The following TTLL7 variants were observed in gnomAD, a reference collection of about 807,000 sequenced individuals.
TTLL7 encodes the protein tubulin tyrosine ligase like 7.
In TTLL7, 53 loss-of-function variants were observed where a neutral mutation model predicts 120.2. The ratio of observed to expected loss-of-function variants is 0.44; its 90% CI spans 0.35 to 0.55. The LOEUF (loss-of-function observed/expected upper bound fraction) is 0.55, where lower values mean the gene tolerates loss of function less well. Ranked by LOEUF, TTLL7 falls within the 20% of genes least tolerant of loss-of-function variation. The pLI is 0.00. For missense variants in TTLL7, 803 were observed against 1,054.7 expected, an observed-to-expected ratio of 0.76 and a Z score of 3.31; for synonymous variants, 353 against 351.7, an observed-to-expected ratio of 1.00 and a Z score of -0.04.
chr1:83,885,124 TA>T (rs1303251329), intron 19 of TTLL7: 1 of 272,202 alleles, frequency 3.7e-6, no homozygotes, highest in Non-Finnish European at 5.6e-6. Flanking sequence ...AATATGTTTA[TA>T]ATTAGTATAC....
chr1:83,893,739 T>A (rs1655984148), intron 18 of TTLL7, among the ~76,000 whole-genome samples: 1 of 152,138 alleles, frequency 6.6e-6, no homozygotes, highest in Non-Finnish European at 1.5e-5. Flanking sequence ...CTACAGCTTC[T>A]CACAGGGAAC....
At chr1:83,953,790 C>T (rs1345834008) in intron 1 of TTLL7, among the ~76,000 whole-genome samples, 1 of 152,108 alleles carries the variant, frequency 6.6e-6, no homozygotes, top group African/African-American at 2.4e-5. Flanking sequence ...ATTCATTAAG[C>T]TCCCCTATTT....
chr1:83,967,916 T>C (rs1477872543), intron 1 of TTLL7, among the ~76,000 whole-genome samples: 1 of 151,368 alleles, frequency 6.6e-6, no homozygotes, highest in African/African-American at 2.4e-5. Flanking sequence ...CTCTTGAAAA[T>C]GACGAAAGGC....
chr1:83,978,911 A>C (rs1463034582), intron 1 of TTLL7, among the ~76,000 whole-genome samples: 1 of 152,222 alleles, frequency 6.6e-6, no homozygotes, highest in Admixed American at 6.5e-5. Context: ...TAATTTATTC[A>C]TTAATTCAAC....
At chr1:83,950,995 C>G (rs1648987006) in intron 3 of TTLL7, among the ~76,000 whole-genome samples, 1 of 152,126 alleles carries the variant, frequency 6.6e-6, no homozygotes, top group Non-Finnish European at 1.5e-5. Flanking sequence ...CTGCCTGCAG[C>G]ATCTCAAAGA....
intron 20 of TTLL7, among the ~76,000 whole-genome samples, chr1:83,870,928 G>T (rs987687313): frequency 1.2e-4 from 18 of 150,886 alleles, no homozygotes; most frequent in African/African-American, 4.4e-4. Flanking sequence ...AAAAAATCAT[G>T]ATTACGGGTT....
At chr1:83,933,321 G>C (rs1045732595) in intron 9 of TTLL7, among the ~76,000 whole-genome samples, 1 of 152,154 alleles carries the variant, frequency 6.6e-6, no homozygotes, top group Admixed American at 6.6e-5. Flanking sequence ...GAAAATAGTA[G>C]AGCAAGTAAG....
At chr1:83,885,542 C>T (rs1269649762) in intron 19 of TTLL7, among the ~76,000 whole-genome samples, 1 of 151,942 alleles carries the variant, frequency 6.6e-6, no homozygotes, top group Non-Finnish European at 1.5e-5. Context: ...GAATCAAGGT[C>T]CTATACATAT....
At chr1:83,892,867 T>C (rs1655829137) in intron 18 of TTLL7, among the ~76,000 whole-genome samples, 1 of 113,278 alleles carries the variant, frequency 8.8e-6, no homozygotes, top group Admixed American at 9.1e-5. Context: ...TATGAATATA[T>C]ATAAAGAAAA....
chr1:83,887,262 T>C, intron 19 of TTLL7: 1 of 1,242,640 alleles, frequency 8.0e-7, no homozygotes, highest in Non-Finnish European at 1.0e-6. Flanking sequence ...TTGGATTATA[T>C]TTTTCTAAGA....
chr1:83,920,962 A>T, intron 12 of TTLL7, 125 bp downstream of exon 12: 1 of 1,023,572 alleles, frequency 9.8e-7, no homozygotes, highest in Admixed American at 2.8e-5. Flanking sequence ...AAAGACAGTA[A>T]GCAAAAAGCA....
At chr1:83,945,762 AT>A (rs1201628254) in intron 6 of TTLL7, among the ~76,000 whole-genome samples, 8 of 151,884 alleles carry the variant, frequency 5.3e-5, no homozygotes, top group African/African-American at 1.9e-4. Context: ...AAATATAGAT[AT>A]TTAATATTAA....
Position 83,952,167 on chromosome 1 carries a change from A to T in TTLL7, c.25+20T>A, listed in dbSNP as rs1649127024. The T allele has an allele frequency of 6.2e-7, 1 of 1,611,402 alleles. No individual in the cohort carries two copies. The highest frequency in any genetic ancestry group is 1.7e-5 in the Admixed American group (1 of 59,976). ...ATAACACCTCCATATTTTGTAACAT[A>T]GTTAAGTCAATTTCCCTACCTCCTT... On this transcript the variant is annotated intron_variant, in intron 2 of 20. Coordinates refer to ENST00000260505, the MANE Select transcript of TTLL7 (RefSeq NM_024686.6).
At chr1:83,988,230 C>A (rs566954334) in intron 1 of TTLL7, among the ~76,000 whole-genome samples, 2 of 152,164 alleles carry the variant, frequency 1.3e-5, no homozygotes, top group Non-Finnish European at 2.9e-5. Flanking sequence ...TTTATGGCTG[C>A]GTAGCATTCT....
intron 17 of TTLL7, among the ~76,000 whole-genome samples, chr1:83,904,901 G>T (rs1657051255): frequency 1.3e-5 from 2 of 151,952 alleles, no homozygotes; most frequent in African/African-American, 2.4e-5. Context: ...TTTACCACAT[G>T]TAGTGAACAC....
At chr1:83,952,440 T>G in intron 1 of TTLL7, 53 bp from the exon 2 acceptor site, 1 of 440,248 alleles carries the variant, frequency 2.3e-6, no homozygotes, top group Non-Finnish European at 4.0e-6. Context: ...TGAATTTTTT[T>G]TCATATATGC....
intron 1 of TTLL7, among the ~76,000 whole-genome samples, chr1:83,972,243 T>A (rs909920509): frequency 2.0e-5 from 3 of 152,078 alleles, no homozygotes; most frequent in Non-Finnish European, 4.4e-5. Flanking sequence ...TTAAACATTA[T>A]CTGTACTCTG....
chr1:83,988,899 G>A (rs12410398), intron 1 of TTLL7, among the ~76,000 whole-genome samples: 38,548 of 151,958 alleles, frequency 0.25, 5,957 homozygotes, highest in Admixed American at 0.34. Context: ...TAGTAGAGAC[G>A]GGGTTTCACC....
intron 1 of TTLL7, among the ~76,000 whole-genome samples, chr1:83,974,252 G>GA (rs1291040527): frequency 6.6e-6 from 1 of 151,864 alleles, no homozygotes; most frequent in Non-Finnish European, 1.5e-5. Context: ...ATATATCTAT[G>GA]AAAAAATGAA....
Sources: allele counts gnomAD v4.1 joint callset (sites outside exome capture counted in the v4.1 genomes callset), GRCh38; gene constraint gnomAD v4.1.1; transcripts MANE v1.5; gene names NCBI Gene and HGNC (gene_info 2026-07-23, HGNC 2026-07-21).